The following ZNRF2 variants were observed in gnomAD, a reference collection of about 807,000 sequenced individuals.
ZNRF2 encodes zinc and ring finger 2.
ZNRF2 carries 16 observed loss-of-function variants against 20.4 expected under a neutral mutation model. That is an observed-to-expected ratio of 0.79 (90% CI 0.53 to 1.19). ZNRF2 has a LOEUF of 1.19. Among genes scored for constraint, ZNRF2 ranks in the 50% most tolerant of loss-of-function variants. The pLI, the probability that ZNRF2 is intolerant of heterozygous loss-of-function variation, is 0.00. For synonymous variants in ZNRF2, 178 were observed against 144.9 expected (o/e 1.23, Z -1.64); for missense variants, 363 against 332.4 (o/e 1.09, Z -0.72).
In ZNRF2 at chr7:30,346,104, A is replaced by G. The variant is rs182964049; in HGVS notation, c.566-9624A>G. Among the ~76,000 whole-genome samples, 14 of 131,686 alleles carry G rather than the reference A, an allele frequency of 1.1e-4. No homozygotes were observed. In the East Asian group the frequency reaches 2.3e-3, roughly 21 times the overall value. 86.4% of individuals were successfully genotyped at this position (131,686 alleles called of 152,430 possible). On this transcript the variant is annotated intron_variant, in intron 2 of 4. Coordinates refer to ENST00000323037, the MANE Select transcript of ZNRF2 (RefSeq NM_147128.4). ...AATATTTTTTCATTTGCCTTTACAT[A>G]TGAATGCTATCTTGGGTGTATATAG... is the stretch of plus-strand genomic sequence containing the variant.
At chr7:30,301,980 C>T (rs895926479) in intron 1 of ZNRF2, among the ~76,000 whole-genome samples, 5 of 152,164 alleles carry the variant, frequency 3.3e-5, no homozygotes, top group Non-Finnish European at 7.3e-5. Flanking sequence ...GCTTCACTCC[C>T]TGGTGTTCGC....
At chr7:30,322,126 G>T (rs1485559172) in intron 1 of ZNRF2, among the ~76,000 whole-genome samples, 1 of 151,770 alleles carries the variant, frequency 6.6e-6, no homozygotes. Flanking sequence ...CCTCCTTCCT[G>T]TTTTTTTTCT....
chr7:30,323,874 C>T, intron 2 of ZNRF2, 137 bp downstream of exon 2: 1 of 521,882 alleles, frequency 1.9e-6, no homozygotes, highest in South Asian at 4.5e-5. Flanking sequence ...TGCAGTGGTT[C>T]TCAAATTCTG....
chr7:30,350,393 C>T (rs1799944925), intron 2 of ZNRF2, among the ~76,000 whole-genome samples: 1 of 151,836 alleles, frequency 6.6e-6, no homozygotes, highest in African/African-American at 2.4e-5. Flanking sequence ...ACATGTTTAA[C>T]GATCAATTCT....
At chr7:30,318,191 C>G (rs1394751549) in intron 1 of ZNRF2, among the ~76,000 whole-genome samples, 1 of 152,016 alleles carries the variant, frequency 6.6e-6, no homozygotes, top group African/African-American at 2.4e-5. Context: ...AGGTTCATGA[C>G]ATCTGGGGGA....
At chr7:30,305,095 G>A (rs952872388) in intron 1 of ZNRF2, among the ~76,000 whole-genome samples, 1 of 152,168 alleles carries the variant, frequency 6.6e-6, no homozygotes, top group African/African-American at 2.4e-5. Context: ...CTGTCAGTGT[G>A]CAGTTGCACA....
At chr7:30,323,603 C>T in intron 1 of ZNRF2, 39 bp from the exon 2 acceptor site, 3 of 1,353,108 alleles carry the variant, frequency 2.2e-6, no homozygotes, top group Non-Finnish European at 3.1e-6. Context: ...GCTGGATATT[C>T]AGAATAGTTA....
intron 2 of ZNRF2, among the ~76,000 whole-genome samples, chr7:30,330,217 G>A (rs1799616693): frequency 6.6e-6 from 1 of 152,142 alleles, no homozygotes; most frequent in Admixed American, 6.5e-5. Flanking sequence ...TGTGTACTTA[G>A]AAGAGGTACA....
At chr7:30,316,865 G>C (rs1312624096) in intron 1 of ZNRF2, among the ~76,000 whole-genome samples, 2 of 152,152 alleles carry the variant, frequency 1.3e-5, no homozygotes, top group East Asian at 1.9e-4. Flanking sequence ...TTCTGTATTT[G>C]CCAGACTCAG....
At chr7:30,351,811 A>G (rs2127955314) in intron 2 of ZNRF2, among the ~76,000 whole-genome samples, 1 of 152,166 alleles carries the variant, frequency 6.6e-6, no homozygotes, top group South Asian at 2.1e-4. Context: ...ATTAAAAAGT[A>G]CACGTTTTTA....
In ZNRF2 at chr7:30,298,499, A is replaced by G. The variant is rs1489985631; in HGVS notation, c.469+12673A>G. ...TACTGTCTTTTCTCTTGGGCTGGTC[A>G]TATTTTCCAGAAATGGCTTTTCTTG... is the stretch of plus-strand genomic sequence containing the variant. On this transcript the variant is annotated intron_variant, in intron 1 of 4. Coordinates refer to ENST00000323037, the MANE Select transcript of ZNRF2 (RefSeq NM_147128.4). Among the ~76,000 whole-genome samples, 6 of 152,208 alleles carry G rather than the reference A, an allele frequency of 3.9e-5. No homozygotes were observed. In the East Asian group the frequency reaches 9.6e-4, roughly 24 times the overall value.
chr7:30,288,336 G>C (rs1391957412), intron 1 of ZNRF2, among the ~76,000 whole-genome samples: 1 of 152,168 alleles, frequency 6.6e-6, no homozygotes, highest in Non-Finnish European at 1.5e-5. Context: ...TTGTAAAACT[G>C]TTGTTTTAAT....
chr7:30,298,877 TA>T (rs1008763131), intron 1 of ZNRF2, among the ~76,000 whole-genome samples: 28 of 152,290 alleles, frequency 1.8e-4, no homozygotes, highest in African/African-American at 6.5e-4. Flanking sequence ...GTGCCTGCTG[TA>T]AATCAGTTTG....
chr7:30,285,440 G>T lies in ZNRF2; in HGVS notation c.83G>T (p.Ser28Ile). The T allele has an allele frequency of 8.4e-7, 1 of 1,189,404 alleles. No individual in the cohort carries two copies. The highest frequency in any genetic ancestry group is 5.6e-5 in the East Asian group (1 of 17,922). The allele number at this position is 1,189,404 out of a possible 1,614,324, so 73.7% of individuals were successfully genotyped here. ...GGCTCGGATCTACCTTCCAGTAGCA[G>T]CGGAGGCGCCAATGGGACCGCGGGC... ...YSGSDLPSSS[S>I]GGANGTAGGG... Residue 28 changes from serine (S) to isoleucine (I), a missense_variant, in exon 1 of 5, where the codon AGC (serine) becomes ATC (isoleucine). Physicochemically the swap from Ser to Ile is moderately radical, Grantham distance 142. Transcript: ENST00000323037.
chr7:30,297,349 G>A (rs1799035971), intron 1 of ZNRF2, among the ~76,000 whole-genome samples: 1 of 151,998 alleles, frequency 6.6e-6, no homozygotes, highest in Admixed American at 6.6e-5. Context: ...TCAGTTTCCT[G>A]GTTCCTTGAA....
At chr7:30,323,780 C>G (rs776721215) in intron 2 of ZNRF2, 43 bp downstream of exon 2, 1 of 1,253,374 alleles carries the variant, frequency 8.0e-7, no homozygotes, top group Non-Finnish European at 1.1e-6. Flanking sequence ...TTAGAATTAA[C>G]TTACATTTTA....
chr7:30,339,676 A>G (rs1003853441), intron 2 of ZNRF2, among the ~76,000 whole-genome samples: 5 of 152,184 alleles, frequency 3.3e-5, no homozygotes, highest in African/African-American at 1.2e-4. Context: ...GCCTCATAGT[A>G]CAGTTTGAAG....
At chr7:30,298,334 CTTTT>C (rs1396314212) in intron 1 of ZNRF2, among the ~76,000 whole-genome samples, 1 of 152,014 alleles carries the variant, frequency 6.6e-6, no homozygotes, top group Non-Finnish European at 1.5e-5. Context: ...TGGCTTCATT[CTTTT>C]GTTAGATATT....
Position 30,355,711 on chromosome 7 carries a change from AT to A in ZNRF2, c.566-13del. 6.3e-7 allele frequency: 1 copy of A among 1,589,274 alleles called. No individual in the cohort carries two copies. On this transcript the variant is annotated splice_polypyrimidine_tract_variant and intron_variant, in intron 2 of 4. Transcript: ENST00000323037. ...TGGATAATTTTATTGTCCTGAATTCATTTTCTCTTTCTTCAGAGGATGTACT... is the reference window on the plus strand; with the variant it reads ...TGGATAATTTTATTGTCCTGAATTCATTTCTCTTTCTTCAGAGGATGTACT...
Sources: gnomAD v4.1 joint callset for allele counts (sites outside exome capture counted in the v4.1 genomes callset) on GRCh38, gnomAD v4.1.1 for gene constraint, MANE v1.5 for transcripts, NCBI Gene and HGNC (gene_info 2026-07-23, HGNC 2026-07-21) for gene names.